Variants in PDE6G observed in about 807,000 individuals in gnomAD.
The protein encoded by PDE6G is phosphodiesterase 6G.
PDE6G carries 10 observed loss-of-function variants against 10.9 expected under a neutral mutation model. The observed-to-expected ratio is 0.91, with a 90% CI of 0.56 to 1.55. PDE6G has a LOEUF of 1.55. Among genes scored for constraint, PDE6G ranks in the 40% most tolerant of loss-of-function variants. The pLI, the probability that PDE6G is intolerant of heterozygous loss-of-function variation, is 0.00. For synonymous variants in PDE6G, 41 were observed against 42.8 expected (o/e 0.96, Z 0.16); for missense variants, 102 against 110.1 (o/e 0.93, Z 0.33).
In PDE6G at chr17:81,653,010, C is replaced by T; in HGVS notation, c.146+150G>A. The T allele has an allele frequency of 8.8e-6, 8 of 908,620 alleles. No homozygotes were observed. The highest frequency in any genetic ancestry group is 1.4e-5 in the Non-Finnish European group (8 of 553,100). The allele number at this position is 908,620 out of a possible 1,614,324, so 56.3% of individuals were successfully genotyped here. A position where few individuals can be genotyped will look rare whatever the true frequency, so the allele number is the denominator to read the frequency against. On this transcript the variant is annotated intron_variant, in intron 2 of 3. Transcript: ENST00000331056. This position sits in a 1 kb window ranked among gnomAD's most constrained non-coding sequence, Gnocchi z 5.2. The stretch of plus-strand genomic sequence containing the variant: ...TCCCCCTCCTCCATCCCTGCTCAGG[C>T]CCTCAGGCACCGCCCTACCTTCCCC...
At chr17:81,660,140 C>T (rs546381669), upstream of PDE6G, among the ~76,000 whole-genome samples, 27 of 152,160 alleles carry the variant, frequency 1.8e-4, no homozygotes, top group Middle Eastern at 6.8e-3. Context: ...AGGCTGGGCA[C>T]GGTGGCTCAC....
upstream of PDE6G, among the ~76,000 whole-genome samples, chr17:81,660,887 A>G (rs1467303014): frequency 6.6e-6 from 1 of 152,144 alleles, no homozygotes; most frequent in South Asian, 2.1e-4. Flanking sequence ...AATTACTTCA[A>G]GTGCTCATGT....
chr17:81,650,951 G>A lies in PDE6G; in HGVS notation c.*123C>T. Reference sequence around the variant, plus strand: ...ATGTAGGGGGAGACCTGAGGTTGCAGTCCCATCCTGGTGTCCAGGTGCCAT... The same window carrying A: ...ATGTAGGGGGAGACCTGAGGTTGCAATCCCATCCTGGTGTCCAGGTGCCAT... On this transcript the variant is annotated 3_prime_UTR_variant, in exon 4 of 4. Coordinates refer to ENST00000331056, the MANE Select transcript of PDE6G (RefSeq NM_002602.4). 1 of 760,226 alleles carries A rather than the reference G, an allele frequency of 1.3e-6. No homozygotes were observed. Among genetic ancestry groups the A allele is most frequent in the Non-Finnish European group, 2.4e-6 (1 of 419,626 alleles). 47.1% of individuals were successfully genotyped at this position (760,226 alleles called of 1,614,324 possible). A position where few individuals can be genotyped will look rare whatever the true frequency, so the allele number is the denominator to read the frequency against.
chr17:81,653,039 T>G lies in PDE6G; in HGVS notation c.146+121A>C. 2 of 1,151,700 alleles carry G rather than the reference T, an allele frequency of 1.7e-6. No individual in the cohort carries two copies. Among genetic ancestry groups the G allele is most frequent in the Non-Finnish European group, 2.6e-6 (2 of 765,058 alleles). The allele number at this position is 1,151,700 out of a possible 1,614,324, so 71.3% of individuals were successfully genotyped here. Reference sequence around the variant, plus strand: ...CAGGCACCGCCCTACCTTCCCCAGCTGTGAGGCTGGGACCACTCACCCAGT... The same window carrying G: ...CAGGCACCGCCCTACCTTCCCCAGCGGTGAGGCTGGGACCACTCACCCAGT... On this transcript the variant is annotated intron_variant, in intron 2 of 3. Transcript: ENST00000331056. The surrounding 1 kb of genome is among the most constrained non-coding windows in gnomAD (Gnocchi z 5.2).
At chr17:81,658,373 C>T (rs150592209), upstream of PDE6G, among the ~76,000 whole-genome samples, 129 of 149,766 alleles carry the variant, frequency 8.6e-4, no homozygotes, top group Middle Eastern at 3.8e-3. Flanking sequence ...TGTGAGCCAC[C>T]GTGCCTGGCC....
At position 81,651,629 on chromosome 17, in the gene PDE6G, C is replaced by T. The variant is rs542089493; in HGVS notation, c.187+16G>A. ...GACCTGGGCAGACCTCGGGTTGGTA[C>T]TGGCAGCCGTCATACCTGTTCCCAG... On this transcript the variant is annotated intron_variant, in intron 3 of 3. Coordinates refer to ENST00000331056, the MANE Select transcript of PDE6G (RefSeq NM_002602.4). The surrounding 1 kb of genome is among the most constrained non-coding windows in gnomAD (Gnocchi z 4.8). 225 of 1,613,488 alleles carry T rather than the reference C, an allele frequency of 1.4e-4. 4 individuals are homozygous for T. In the South Asian group the frequency reaches 2.4e-3, roughly 17 times the overall value.
Position 81,653,567 on chromosome 17 carries a change from GT to G in PDE6G, c.-59-204del. On this transcript the variant is annotated intron_variant, in intron 1 of 3. Transcript: ENST00000331056. This position sits in a 1 kb window ranked among gnomAD's most constrained non-coding sequence, Gnocchi z 5.2. ...CGCACGCTCCCATTCCCCTTGCCTA[GT>G]GGATGCCCCCCTGCAACGCTGGCCA... 1 of 531,712 alleles carries G rather than the reference GT, an allele frequency of 1.9e-6. No individual in the cohort carries two copies. Among genetic ancestry groups the G allele is most frequent in the Non-Finnish European group, 3.4e-6 (1 of 292,160 alleles). The allele number at this position is 531,712 out of a possible 1,614,324, so 32.9% of individuals were successfully genotyped here.
rs1236177294 is a variant in PDE6G, at chr17:81,653,352, C to G, written c.-47G>C. The G allele has an allele frequency of 2.5e-6, 4 of 1,603,068 alleles. No homozygotes were observed. The South Asian group carries it at 4.4e-5, about 18-fold the overall frequency. Reference sequence around the variant, plus strand: ...GCGGCAACCTTGGCTCCTGGACTCCCTCCTGCTGCGGTCTGGGGGCAGACC... The same window carrying G: ...GCGGCAACCTTGGCTCCTGGACTCCGTCCTGCTGCGGTCTGGGGGCAGACC... On this transcript the variant is annotated 5_prime_UTR_variant, in exon 2 of 4. Transcript: ENST00000331056. The surrounding 1 kb of genome is among the most constrained non-coding windows in gnomAD (Gnocchi z 5.2).
intron 1 of PDE6G, among the ~76,000 whole-genome samples, chr17:81,656,074 C>G (rs191897389): frequency 6.6e-6 from 1 of 152,306 alleles, no homozygotes; most frequent in Non-Finnish European, 1.5e-5. Flanking sequence ...GCACAGGCCC[C>G]GTCCAGCTGC....
chr17:81,658,032 C>T (rs893278970), upstream of PDE6G, among the ~76,000 whole-genome samples: 4 of 150,950 alleles, frequency 2.6e-5, no homozygotes, highest in Non-Finnish European at 4.4e-5. Flanking sequence ...TGAGACCCCC[C>T]CATCTCTACA....
upstream of PDE6G, among the ~76,000 whole-genome samples, chr17:81,657,954 C>T (rs746669900): frequency 8.5e-5 from 13 of 152,126 alleles, no homozygotes; most frequent in East Asian, 1.9e-4. Context: ...TCTCAAACAG[C>T]GCTTTGGGAG....
At chr17:81,655,463 C>T (rs2036432858) in intron 1 of PDE6G, among the ~76,000 whole-genome samples, 1 of 152,232 alleles carries the variant, frequency 6.6e-6, no homozygotes, top group South Asian at 2.1e-4. Context: ...GGCTGAAGGG[C>T]CTCGGCCGCT....
In PDE6G at chr17:81,650,910, G is replaced by A. The variant is rs2036341434; in HGVS notation, c.*164C>T. On this transcript the variant is annotated 3_prime_UTR_variant, in exon 4 of 4. Transcript: ENST00000331056. The stretch of plus-strand genomic sequence containing the variant: ...TCCTAGAGGGAGGTGGTGGGCTCCT[G>A]GTGACTGGTATTAATATGTAGGGGG... The A allele has an allele frequency of 2.9e-6, 2 of 691,148 alleles. No homozygotes were observed. Among genetic ancestry groups the A allele is most frequent in the Non-Finnish European group, 5.3e-6 (2 of 374,534 alleles). 42.8% of individuals were successfully genotyped at this position (691,148 alleles called of 1,614,324 possible). A position where few individuals can be genotyped will look rare whatever the true frequency, so the allele number is the denominator to read the frequency against.
chr17:81,656,351 G>A, intron 1 of PDE6G, 142 bp downstream of exon 1: 1 of 641,880 alleles, frequency 1.6e-6, no homozygotes, highest in Non-Finnish European at 2.8e-6. Flanking sequence ...AGGGTGGCGG[G>A]TAGGCATCTG....
chr17:81,658,595 C>T (rs1414100641), upstream of PDE6G, among the ~76,000 whole-genome samples: 1 of 151,294 alleles, frequency 6.6e-6, no homozygotes, highest in African/African-American at 2.4e-5. Context: ...AATCTCAGCA[C>T]TTTGGGAGGC....
Position 81,653,651 on chromosome 17 carries a change from A to G in PDE6G, c.-59-287T>C, listed in dbSNP as rs2036403703. On this transcript the variant is annotated intron_variant, in intron 1 of 3. Coordinates refer to ENST00000331056, the MANE Select transcript of PDE6G (RefSeq NM_002602.4). This position sits in a 1 kb window ranked among gnomAD's most constrained non-coding sequence, Gnocchi z 5.2. ...TCCCTCGCCCCGGCCCACAATCCAC[A>G]GCAAACCTAGCCTCCCAACCTGTGG... 20 of 366,486 alleles carry G rather than the reference A, an allele frequency of 5.5e-5. No individual in the cohort carries two copies. Among genetic ancestry groups the G allele is most frequent in the South Asian group, 5.3e-4 (20 of 38,028 alleles). 22.7% of individuals were successfully genotyped at this position (366,486 alleles called of 1,614,324 possible).
chr17:81,662,303 G>A lies in PDE6G; in HGVS notation c.-60+756C>T, dbSNP rs574639838. On this transcript the variant is annotated intron_variant, in intron 1 of 3. Transcript: ENST00000571224. ...TCATCCCTGTAACCAAAACCTGCCT[G>A]TTCCCCAAAAAGTATTGAAATAAAA... 2.0e-5 allele frequency among the ~76,000 whole-genome samples: 3 copies of A among 152,124 alleles called. No homozygotes were observed. The South Asian group carries it at 6.2e-4, about 32-fold the overall frequency.
At position 81,653,226 on chromosome 17, in the gene PDE6G, G is replaced by A. The variant is rs2144401520; in HGVS notation, c.80C>T (p.Pro27Leu). ...GGTCTGTCGCTGCTTAAATTTAGGG[G>A]GCCCTTTCCTGGGGGTGACAGGTCC... is the stretch of plus-strand genomic sequence containing the variant. Reference protein sequence around the residue: ...AGGPVTPRKGPPKFKQRQTRQ... With the variant: ...AGGPVTPRKGLPKFKQRQTRQ... Residue 27 changes from proline to leucine, a missense_variant, in exon 2 of 4, where the codon CCC (proline) becomes CTC (leucine). Pro to Leu is a moderately conservative substitution (Grantham distance 98, BLOSUM62 -3). Transcript: ENST00000331056. The surrounding 1 kb of genome is among the most constrained non-coding windows in gnomAD (Gnocchi z 5.2). 6.2e-7 allele frequency: 1 copy of A among 1,614,074 alleles called. No homozygotes were observed. Among genetic ancestry groups the A allele is most frequent in the Non-Finnish European group, 8.5e-7 (1 of 1,179,994 alleles).
chr17:81,651,765 C>T lies in PDE6G; in HGVS notation c.147-80G>A. 1 of 1,453,918 alleles carries T rather than the reference C, an allele frequency of 6.9e-7. No individual in the cohort carries two copies. Among genetic ancestry groups the T allele is most frequent in the South Asian group, 1.2e-5 (1 of 84,912 alleles). 90.1% of individuals were successfully genotyped at this position (1,453,918 alleles called of 1,614,324 possible). The stretch of plus-strand genomic sequence containing the variant: ...CCTGAGGCCCGAGGTCATCTCTAGC[C>T]TTCCTAGGAGATGAGGTGTTTGGCT... On this transcript the variant is annotated intron_variant, in intron 2 of 3. Transcript: ENST00000331056. This position sits in a 1 kb window ranked among gnomAD's most constrained non-coding sequence, Gnocchi z 4.8.
Sources: allele counts gnomAD v4.1 joint callset (sites outside exome capture counted in the v4.1 genomes callset), GRCh38; gene constraint gnomAD v4.1.1; non-coding constraint Gnocchi (gnomAD v3.1); transcripts MANE v1.5; gene names NCBI Gene and HGNC (gene_info 2026-07-23, HGNC 2026-07-21).